Variants in RNF217 observed in about 807,000 individuals in gnomAD.
RNF217 encodes ring finger protein 217.
A neutral mutation model predicts 57.8 loss-of-function variants in RNF217; 31 were observed. The ratio of observed to expected loss-of-function variants is 0.54; its 90% CI spans 0.40 to 0.72. RNF217 has a LOEUF of 0.72. Among genes scored for constraint, RNF217 ranks in the 30% least tolerant of loss-of-function variants. The probability of loss-of-function intolerance (pLI) is 0.00; values close to 1 mark genes in which losing one functional copy is unlikely to be tolerated. For missense variants in RNF217, 696 were observed against 708.3 expected, an observed-to-expected ratio of 0.98 and a Z score of 0.20; for synonymous variants, 313 against 294.0, an observed-to-expected ratio of 1.06 and a Z score of -0.66.
intron 1 of RNF217, among the ~76,000 whole-genome samples, chr6:124,966,393 G>A (rs1357218838): frequency 6.6e-6 from 1 of 152,094 alleles, no homozygotes; most frequent in Non-Finnish European, 1.5e-5. Context: ...TTATTTTGTT[G>A]CCCTACTGAA....
At chr6:125,020,659 G>A (rs572384427) in intron 1 of RNF217, among the ~76,000 whole-genome samples, 4 of 152,152 alleles carry the variant, frequency 2.6e-5, no homozygotes, top group South Asian at 2.1e-4. Context: ...AGATAAAGGC[G>A]TATTGCTTTG....
intron 1 of RNF217, among the ~76,000 whole-genome samples, chr6:125,038,796 A>T (rs1390556407): frequency 6.6e-6 from 1 of 152,018 alleles, no homozygotes; most frequent in Non-Finnish European, 1.5e-5. Context: ...GGAGCTTGGT[A>T]TGAGTTTTTT....
At chr6:125,014,016 T>C (rs1000153291) in intron 1 of RNF217, among the ~76,000 whole-genome samples, 3 of 152,246 alleles carry the variant, frequency 2.0e-5, no homozygotes, top group Admixed American at 6.5e-5. Flanking sequence ...TTAAGATTTT[T>C]ATTTGTCTGC....
In RNF217 at chr6:125,086,758, A is replaced by G. The variant is rs747545777; in HGVS notation, c.*3821A>G. 6.6e-6 allele frequency: 1 copy of G among 152,074 alleles called. No individual in the cohort carries two copies. The highest frequency in any genetic ancestry group is 6.6e-5 in the Admixed American group (1 of 15,244). 9.4% of individuals were successfully genotyped at this position (152,074 alleles called of 1,614,324 possible). A position where few individuals can be genotyped will look rare whatever the true frequency, so the allele number is the denominator to read the frequency against. ...GTAGAACAGACAAGAAAACAAAGAT[A>G]ATTAAACACAAGTCAGGTTACAACA... On this transcript the variant is annotated 3_prime_UTR_variant, in exon 6 of 6. Transcript: ENST00000521654.
At position 124,970,335 on chromosome 6, in the gene RNF217, C is replaced by T. The variant is rs537441360; in HGVS notation, c.882+6909C>T. On this transcript the variant is annotated intron_variant, in intron 1 of 5. Coordinates refer to ENST00000521654, the MANE Select transcript of RNF217 (RefSeq NM_001286398.3). ...ACAGTTCAGACTAGAGTGATACAGG[C>T]GAACGCAGTTTGAACTGGTTGAATT... Among the ~76,000 whole-genome samples the T allele has an allele frequency of 4.6e-5, 7 of 152,192 alleles. No individual in the cohort carries two copies. The East Asian group carries it at 5.8e-4, about 13-fold the overall frequency.
At chr6:125,001,207 A>C (rs1417349290) in intron 1 of RNF217, among the ~76,000 whole-genome samples, 1 of 152,214 alleles carries the variant, frequency 6.6e-6, no homozygotes, top group Non-Finnish European at 1.5e-5. Flanking sequence ...TATATTAGGG[A>C]ATGCTGAATT....
In RNF217 at chr6:125,092,580, T is replaced by C. The variant is rs776509116; in HGVS notation, c.*9643T>C. The C allele has an allele frequency of 2.6e-5, 4 of 152,202 alleles. No homozygotes were observed. Among genetic ancestry groups the C allele is most frequent in the Non-Finnish European group, 5.9e-5 (4 of 68,038 alleles). The allele number at this position is 152,202 out of a possible 1,614,324, so 9.4% of individuals were successfully genotyped here. A position where few individuals can be genotyped will look rare whatever the true frequency, so the allele number is the denominator to read the frequency against. On this transcript the variant is annotated 3_prime_UTR_variant, in exon 6 of 6. Coordinates refer to ENST00000521654, the MANE Select transcript of RNF217 (RefSeq NM_001286398.3). ...GCTGTTTACCACATGATGTGTGCAA[T>C]ACATCATGCAATGTTATTTAGCAAT...
rs1788945022 is a variant in RNF217 at position 125,091,350 on chromosome 6, T to C, written c.*8413T>C. ...GCCTTATTTTTTTCACTTGACTTTA[T>C]TTCTTATCTAAAGAGCCATATATTT... On this transcript the variant is annotated 3_prime_UTR_variant, in exon 6 of 6. Transcript: ENST00000521654. 6.6e-6 allele frequency: 1 copy of C among 152,096 alleles called. No individual in the cohort carries two copies. The highest frequency in any genetic ancestry group is 2.4e-5 in the African/African-American group (1 of 41,454). The allele number at this position is 152,096 out of a possible 1,614,324, so 9.4% of individuals were successfully genotyped here.
At chr6:124,971,015 G>C (rs1199846075) in intron 1 of RNF217, among the ~76,000 whole-genome samples, 1 of 152,086 alleles carries the variant, frequency 6.6e-6, no homozygotes, top group Non-Finnish European at 1.5e-5. Context: ...GGTTAGAGTG[G>C]GTTCAAAAGA....
chr6:125,051,861 T>C (rs1787329962), intron 2 of RNF217, among the ~76,000 whole-genome samples: 1 of 152,038 alleles, frequency 6.6e-6, no homozygotes, highest in African/African-American at 2.4e-5. Flanking sequence ...GACTTTGGGC[T>C]ATGCAAATCA....
At chr6:125,065,514 A>G (rs1227284798) in intron 3 of RNF217, among the ~76,000 whole-genome samples, 1 of 152,024 alleles carries the variant, frequency 6.6e-6, no homozygotes, top group Non-Finnish European at 1.5e-5. Flanking sequence ...ACAACTAGAC[A>G]CTCCAGCAAC....
At chr6:125,054,643 A>G (rs534978175) in intron 2 of RNF217, among the ~76,000 whole-genome samples, 2 of 152,212 alleles carry the variant, frequency 1.3e-5, no homozygotes, top group Non-Finnish European at 2.9e-5. Flanking sequence ...GCAGCTTGCC[A>G]ACTAGTGGAT....
intron 1 of RNF217, among the ~76,000 whole-genome samples, chr6:124,973,941 C>T (rs1783857478): frequency 6.6e-6 from 1 of 152,224 alleles, no homozygotes; most frequent in Non-Finnish European, 1.5e-5. Context: ...TCAGGTCACT[C>T]ACTTGGCTGG....
chr6:125,045,543 A>T lies in RNF217; in HGVS notation c.1116+99A>T. 3 of 810,234 alleles carry T rather than the reference A, an allele frequency of 3.7e-6. No individual in the cohort carries two copies. The South Asian group carries it at 5.3e-5, about 14-fold the overall frequency. The allele number at this position is 810,234 out of a possible 1,614,324, so 50.2% of individuals were successfully genotyped here. On this transcript the variant is annotated intron_variant, in intron 2 of 5. Transcript: ENST00000521654. ...GGCATTAAGGGGGCATCTTTCCTTT[A>T]TGGAGCTGAAGGTGAGCATATATTG...
At chr6:125,016,213 T>C (rs1326070476) in intron 1 of RNF217, among the ~76,000 whole-genome samples, 1 of 152,180 alleles carries the variant, frequency 6.6e-6, no homozygotes, top group African/African-American at 2.4e-5. Context: ...TCTTTGTACT[T>C]TTCCAGGCTT....
rs1425289111 is a variant in RNF217, at chr6:125,083,105, C to T, written c.*168C>T. On this transcript the variant is annotated 3_prime_UTR_variant, in exon 6 of 6. Transcript: ENST00000521654. ...GCCTCTAGCTATGGTGCACTCCCAA[C>T]ATGGTATCCTGTCCTTTCCCTAAAC... 24 of 516,076 alleles carry T rather than the reference C, an allele frequency of 4.7e-5. No homozygotes were observed. Among genetic ancestry groups the T allele is most frequent in the Non-Finnish European group, 7.8e-5 (23 of 296,380 alleles). 32.0% of individuals were successfully genotyped at this position (516,076 alleles called of 1,614,324 possible).
At chr6:125,064,082 T>C (rs1787849638) in intron 3 of RNF217, among the ~76,000 whole-genome samples, 1 of 152,192 alleles carries the variant, frequency 6.6e-6, no homozygotes. Flanking sequence ...AGTATTAATG[T>C]TGCATCTTAT....
At position 125,045,403 on chromosome 6, in the gene RNF217, G is replaced by A. The variant is rs752579206; in HGVS notation, c.1075G>A (p.Gly359Arg). Residue 359 changes from glycine (G) to arginine (R), a missense_variant, in exon 2 of 6, where the codon GGA (glycine) becomes AGA (arginine). This residue lies in a region of RNF217 where 231 missense variants were observed against 321.4 expected (regional missense o/e 0.72). Transcript: ENST00000521654. ...CKHFTTFKKK[G>R]HIPTPSRSES... ...GCACTTTACAACCTTCAAGAAAAAA[G>A]GACATATTCCCACCCCTTCCAGATC... 4.3e-6 allele frequency: 7 copies of A among 1,613,078 alleles called. No homozygotes were observed. The South Asian group carries it at 6.6e-5, about 15-fold the overall frequency.
Position 125,067,232 on chromosome 6 carries a change from T to C in RNF217, c.1281+9126T>C, listed in dbSNP as rs924711473. ...GTTTATGCAAGGAAGTGGTGAGAGGTGGGGCTGGAGAAGCCAACAAGAGCT... is the reference window on the plus strand; with the variant it reads ...GTTTATGCAAGGAAGTGGTGAGAGGCGGGGCTGGAGAAGCCAACAAGAGCT... On this transcript the variant is annotated intron_variant, in intron 3 of 5. Coordinates refer to ENST00000521654, the MANE Select transcript of RNF217 (RefSeq NM_001286398.3). Among the ~76,000 whole-genome samples, 7 of 152,114 alleles carry C rather than the reference T, an allele frequency of 4.6e-5. No homozygotes were observed. In the South Asian group the frequency reaches 8.3e-4, roughly 18 times the overall value.
Sources: gnomAD v4.1 joint callset for allele counts (sites outside exome capture counted in the v4.1 genomes callset) on GRCh38, gnomAD v4.1.1 for gene constraint, gnomAD v4.1.1 regional missense constraint, MANE v1.5 for transcripts, NCBI Gene and HGNC (gene_info 2026-07-23, HGNC 2026-07-21) for gene names.